Variants in FRMPD4 observed in about 807,000 individuals in gnomAD.
FRMPD4 encodes FERM and PDZ domain containing 4.
In FRMPD4, 22 loss-of-function variants were observed where a neutral mutation model predicts 94.1. That is an observed-to-expected ratio of 0.23 (90% CI 0.17 to 0.33). The LOEUF (loss-of-function observed/expected upper bound fraction) is 0.33. FRMPD4 is among the 10% of genes least tolerant of loss of function. The probability of loss-of-function intolerance (pLI) is 1.00; values close to 1 mark genes in which losing one functional copy is unlikely to be tolerated. For missense variants in FRMPD4, 1,111 were observed against 1,339.9 expected (o/e 0.83, Z 2.67); for synonymous variants, 631 against 548.6 (o/e 1.15, Z -2.10).
At chrX:12,325,876 A>G (rs933776119) in intron 1 of FRMPD4, among the ~76,000 whole-genome samples, 6 of 112,227 alleles carry the variant, frequency 5.3e-5, no homozygotes, top group African/African-American at 1.9e-4. Context: ...TCCTAGGAAG[A>G]TGTGTGAAAT....
chrX:12,576,694 T>C (rs751112215), intron 2 of FRMPD4, among the ~76,000 whole-genome samples: 2 of 112,678 alleles, frequency 1.8e-5, no homozygotes, highest in South Asian at 7.3e-4. Flanking sequence ...GATCCTGGGG[T>C]ATTCGGATGG....
chrX:12,532,927 T>G (rs1349284631), intron 2 of FRMPD4, among the ~76,000 whole-genome samples: 1 of 112,635 alleles, frequency 8.9e-6, no homozygotes, highest in Non-Finnish European at 1.9e-5. Flanking sequence ...AAATATTATT[T>G]TGATAATTAT....
At chrX:12,605,756 G>A (rs942677653) in intron 2 of FRMPD4, among the ~76,000 whole-genome samples, 14 of 110,438 alleles carry the variant, frequency 1.3e-4, no homozygotes, top group African/African-American at 3.3e-4. Flanking sequence ...TGCTCCCCCC[G>A]AAACGTTTCC....
chrX:12,162,938 C>G (rs986209128), intron 1 of FRMPD4, among the ~76,000 whole-genome samples: 1 of 111,758 alleles, frequency 8.9e-6, no homozygotes, highest in Non-Finnish European at 1.9e-5. Context: ...TTGTGAATCT[C>G]TCCACTACTA....
chrX:12,544,074 C>T (rs1423296931), intron 2 of FRMPD4, among the ~76,000 whole-genome samples: 3 of 66,846 alleles, frequency 4.5e-5, no homozygotes, highest in East Asian at 5.5e-4. Context: ...CATCACACAC[C>T]GGGGCCTGTT....
rs1443882609 is a variant in FRMPD4 at position 12,704,391 on chromosome X, C to A, written c.1103C>A (p.Ser368Tyr). The change falls in exon 11 of 17, where the codon TCT becomes TAT. Residue 368 changes from serine to tyrosine, a missense_variant. This residue lies in a region of FRMPD4 where 111 missense variants were observed against 160.7 expected (regional missense o/e 0.69). Coordinates refer to ENST00000675598, the MANE Select transcript of FRMPD4 (RefSeq NM_001368397.1). Reference sequence around the variant, plus strand: ...TGGGGATTAGAGACTTTTCTTCCCTCTGCTGTGCTGCAAAGCATGAAAGAG... The same window carrying A: ...TGGGGATTAGAGACTTTTCTTCCCTATGCTGTGCTGCAAAGCATGAAAGAG... ...KEWGLETFLP[S>Y]AVLQSMKEKN... is the part of the protein sequence containing the mutation. 5 of 1,179,816 alleles carry A rather than the reference C, an allele frequency of 4.2e-6. No individual in the cohort carries two copies. The highest frequency in any genetic ancestry group is 5.7e-6 in the Non-Finnish European group (5 of 871,131).
At chrX:12,069,211 G>T (rs1601915716) in intron 3 of FRMPD4, among the ~76,000 whole-genome samples, 1 of 111,886 alleles carries the variant, frequency 8.9e-6, no homozygotes, top group East Asian at 2.8e-4. Context: ...AGAGATGCTT[G>T]TGGAGATAAG....
At chrX:12,417,854 C>T (rs1488214557) in intron 1 of FRMPD4, among the ~76,000 whole-genome samples, 5 of 107,262 alleles carry the variant, frequency 4.7e-5, no homozygotes, top group Non-Finnish European at 9.7e-5. Flanking sequence ...CTTAGCCGGG[C>T]GTGGTGGTGG....
intron 3 of FRMPD4, among the ~76,000 whole-genome samples, chrX:12,053,350 G>GAAA (rs1569149726): frequency 4.9e-5 from 3 of 61,404 alleles, no homozygotes; most frequent in African/African-American, 1.8e-4. Context: ...AAGAAAGAAA[G>GAAA]GAAAGAAAGA....
At chrX:12,516,348 T>C (rs185968166) in intron 2 of FRMPD4, among the ~76,000 whole-genome samples, 1 of 112,194 alleles carries the variant, frequency 8.9e-6, no homozygotes, top group Non-Finnish European at 1.9e-5. Context: ...AGTTTTTCCT[T>C]TCCATATTTA....
chrX:12,511,903 C>T (rs1053017902), intron 2 of FRMPD4, among the ~76,000 whole-genome samples: 3 of 112,208 alleles, frequency 2.7e-5, no homozygotes, highest in Non-Finnish European at 5.6e-5. Flanking sequence ...AGAAAAATAA[C>T]TCATCACATA....
intron 2 of FRMPD4, among the ~76,000 whole-genome samples, chrX:12,518,246 C>T (rs2058124267): frequency 8.9e-6 from 1 of 111,874 alleles, no homozygotes; most frequent in Non-Finnish European, 1.9e-5. Context: ...CAGTCTCCAG[C>T]CGAGTGGCTG....
At chrX:12,644,587 T>A (rs778437643) in intron 4 of FRMPD4, among the ~76,000 whole-genome samples, 7 of 111,272 alleles carry the variant, frequency 6.3e-5, no homozygotes, top group African/African-American at 2.3e-4. Context: ...TGGTTCACCT[T>A]CCCATCTAGG....
chrX:12,234,701 A>C (rs1199650411), intron 1 of FRMPD4, among the ~76,000 whole-genome samples: 1 of 112,369 alleles, frequency 8.9e-6, no homozygotes, highest in Non-Finnish European at 1.9e-5. Context: ...ATGCAATTAT[A>C]TTCTATATAA....
chrX:12,476,262 T>G (rs1291341373), intron 1 of FRMPD4, among the ~76,000 whole-genome samples: 1 of 111,927 alleles, frequency 8.9e-6, no homozygotes, highest in African/African-American at 3.2e-5. Flanking sequence ...GCTGGCCATA[T>G]GTAGAAAGCT....
chrX:11,877,057 C>A (rs2053789807), intron 2 of FRMPD4, among the ~76,000 whole-genome samples: 1 of 111,866 alleles, frequency 8.9e-6, no homozygotes, highest in African/African-American at 3.2e-5. Flanking sequence ...AGACCCTGGT[C>A]TAGAGAAAAG....
At chrX:12,695,813 C>G (rs769397106) in intron 9 of FRMPD4, among the ~76,000 whole-genome samples, 1 of 109,511 alleles carries the variant, frequency 9.1e-6, no homozygotes, top group South Asian at 4.0e-4. Flanking sequence ...CTTGGCTCAC[C>G]GCAACCTCTG....
At chrX:12,000,712 A>T (rs758531267) in intron 3 of FRMPD4, among the ~76,000 whole-genome samples, 1 of 111,741 alleles carries the variant, frequency 8.9e-6, no homozygotes, top group Non-Finnish European at 1.9e-5. Context: ...AGGTCTTTCC[A>T]ATCCCTCAAA....
rs1001789046 is a variant in FRMPD4 at position 11,896,470 on chromosome X, A to G, written c.95+18452A>G. On this transcript the variant is annotated intron_variant, in intron 3 of 18. Coordinates refer to the FRMPD4 transcript ENST00000640291. ...TTCGTGCCCTTATCAAAGAGATCCT[A>G]GAGAGCTGCCTCTTCCCTTCTACCA... 2.7e-5 allele frequency among the ~76,000 whole-genome samples: 3 copies of G among 111,602 alleles called. No homozygotes were observed. The Admixed American group carries it at 2.8e-4, about 11-fold the overall frequency.
Sources: gnomAD v4.1 joint callset for allele counts (sites outside exome capture counted in the v4.1 genomes callset) on GRCh38, gnomAD v4.1.1 for gene constraint, gnomAD v4.1.1 regional missense constraint, MANE v1.5 for transcripts, NCBI Gene and HGNC (gene_info 2026-07-23, HGNC 2026-07-21) for gene names.